CCDC170: variants seen among roughly 807,000 people sequenced by gnomAD.
CCDC170 encodes coiled-coil domain-containing protein 170.
CCDC170 carries 69 observed loss-of-function variants against 72.6 expected under a neutral mutation model. The observed-to-expected ratio is 0.95, with a 90% CI of 0.78 to 1.16. The LOEUF is 1.16. Among genes scored for constraint, CCDC170 ranks in the 50% most tolerant of loss-of-function variants. The pLI, the probability that CCDC170 is intolerant of heterozygous loss-of-function variation, is 0.00. For synonymous variants in CCDC170, 300 were observed against 303.9 expected, an observed-to-expected ratio of 0.99 and a Z score of 0.13; for missense variants, 852 against 832.5, an observed-to-expected ratio of 1.02 and a Z score of -0.29.
intron 3 of CCDC170, 113 bp downstream of exon 3, chr6:151,538,414 C>T (rs964057726): frequency 1.8e-6 from 2 of 1,105,356 alleles, no homozygotes; most frequent in Non-Finnish European, 2.6e-6. Context: ...CCCTTAAACT[C>T]AATTTGAAAA....
At chr6:151,577,003 C>T (rs549258040) in intron 6 of CCDC170, among the ~76,000 whole-genome samples, 5 of 152,250 alleles carry the variant, frequency 3.3e-5, no homozygotes, top group Admixed American at 2.6e-4. Context: ...CCTGTGTTTG[C>T]AATTCTCAGT....
Position 151,538,220 on chromosome 6 carries a change from G to C in CCDC170, c.362G>C (p.Arg121Thr). ...GCAGCACTTTCCACTTCTAAAATCA[G>C]AACAGAAATCACAGCTCACGCTGCA... The part of the protein sequence containing the change: ...ESAALSTSKI[R>T]TEITAHAAIK... Residue 121 changes from arginine to threonine, a missense_variant, in exon 3 of 11, where the codon AGA becomes ACA. Transcript: ENST00000239374. The C allele has an allele frequency of 6.2e-7, 1 of 1,613,742 alleles. No homozygotes were observed. The highest frequency in any genetic ancestry group is 8.5e-7 in the Non-Finnish European group (1 of 1,179,834).
At chr6:151,523,448 G>A (rs2001574) in intron 1 of CCDC170, among the ~76,000 whole-genome samples, 13,339 of 152,058 alleles carry the variant, frequency 0.088, 771 homozygotes, top group African/African-American at 0.16. Context: ...GCATTTGGGA[G>A]GCTGAGGTGG....
intron 6 of CCDC170, 59 bp from the exon 7 acceptor site, chr6:151,585,830 G>A (rs908569990): frequency 2.0e-6 from 3 of 1,521,450 alleles, no homozygotes; most frequent in Non-Finnish European, 2.7e-6. Context: ...AGCAGTAGAT[G>A]TGAACACTTC....
rs556543582 is a variant in CCDC170, at chr6:151,548,334, G to A, written c.619G>A (p.Val207Met). Reference sequence around the variant, plus strand: ...AGACCTGCGCAAAGAAAATGAATTCGTGAAAGGACAAATTGTTATTCTTGA... The same window carrying A: ...AGACCTGCGCAAAGAAAATGAATTCATGAAAGGACAAATTGTTATTCTTGA... ...LRDLRKENEF[V>M]KGQIVILEET... Residue 207 changes from valine to methionine, a missense_variant, in exon 5 of 11, where the codon GTG (valine) becomes ATG (methionine). Physicochemically the swap from Val to Met is conservative, Grantham distance 21 (BLOSUM62 1). Transcript: ENST00000239374. The A allele has an allele frequency of 1.1e-5, 18 of 1,594,466 alleles. No homozygotes were observed. The highest frequency in any genetic ancestry group is 3.4e-5 in the South Asian group (3 of 88,220).
At chr6:151,536,793 AAAAAAG>A (rs1562274877) in intron 2 of CCDC170, among the ~76,000 whole-genome samples, 11 of 138,480 alleles carry the variant, frequency 7.9e-5, no homozygotes, top group African/African-American at 2.3e-4. Flanking sequence ...AAAAAAAAAA[AAAAAAG>A]AAAAAGAAAA....
Position 151,548,339 on chromosome 6 carries a change from A to G in CCDC170, c.624A>G (p.Lys208=), listed in dbSNP as rs749201054. The G allele has an allele frequency of 8.8e-6, 14 of 1,596,974 alleles. No homozygotes were observed. The South Asian group carries it at 1.6e-4, about 18-fold the overall frequency. Residue 208 remains lysine (K), a synonymous_variant, in exon 5 of 11, where the codon AAA becomes AAG. Transcript: ENST00000239374. The part of the protein sequence containing the change: ...RDLRKENEFV[K]GQIVILEETI... Reference sequence around the variant, plus strand: ...TGCGCAAAGAAAATGAATTCGTGAAAGGACAAATTGTTATTCTTGAAGAGA... The same window carrying G: ...TGCGCAAAGAAAATGAATTCGTGAAGGGACAAATTGTTATTCTTGAAGAGA...
chr6:151,518,684 A>G (rs1192017796), intron 1 of CCDC170, among the ~76,000 whole-genome samples: 2 of 152,116 alleles, frequency 1.3e-5, no homozygotes, highest in Non-Finnish European at 2.9e-5. Flanking sequence ...GGTTCTTTCT[A>G]TTTTCCCTAA....
Position 151,620,976 on chromosome 6 carries a change from C to G in CCDC170, c.*2829C>G, listed in dbSNP as rs186231515. ...ATTTCCACTGTGTGACTCTAGTGAT[C>G]TTTAACATACACAGAATGATCTACA... On this transcript the variant is annotated 3_prime_UTR_variant, in exon 11 of 11. Coordinates refer to ENST00000239374, the MANE Select transcript of CCDC170 (RefSeq NM_025059.4). 16 of 152,166 alleles carry G rather than the reference C, an allele frequency of 1.1e-4. No individual in the cohort carries two copies. Among genetic ancestry groups the G allele is most frequent in the Non-Finnish European group, 2.4e-4 (16 of 68,016 alleles). 9.4% of individuals were successfully genotyped at this position (152,166 alleles called of 1,614,324 possible). A position where few individuals can be genotyped will look rare whatever the true frequency, so the allele number is the denominator to read the frequency against.
intron 6 of CCDC170, among the ~76,000 whole-genome samples, chr6:151,578,999 T>G (rs140392111): frequency 5.7e-4 from 87 of 152,162 alleles, no homozygotes; most frequent in African/African-American, 2.0e-3. Flanking sequence ...CTAAAAACCA[T>G]GCAGCTTATT....
chr6:151,546,894 C>T (rs1782780031), intron 4 of CCDC170, among the ~76,000 whole-genome samples: 1 of 151,956 alleles, frequency 6.6e-6, no homozygotes, highest in African/African-American at 2.4e-5. Context: ...GATTTGTTGG[C>T]CTCAGCTTAC....
intron 10 of CCDC170, among the ~76,000 whole-genome samples, chr6:151,617,632 G>C (rs1011318844): frequency 2.6e-5 from 4 of 151,928 alleles, no homozygotes; most frequent in African/African-American, 9.7e-5. Flanking sequence ...TCCCAACCTG[G>C]AGATGAGAAA....
chr6:151,567,685 G>A (rs545938826), intron 5 of CCDC170, among the ~76,000 whole-genome samples: 2 of 152,316 alleles, frequency 1.3e-5, no homozygotes, highest in Admixed American at 6.5e-5. Flanking sequence ...TTAGATTATA[G>A]TTGGCAAACC....
intron 9 of CCDC170, among the ~76,000 whole-genome samples, chr6:151,604,128 C>T (rs907241001): frequency 6.6e-6 from 1 of 152,158 alleles, no homozygotes; most frequent in Non-Finnish European, 1.5e-5. Flanking sequence ...AAGGGATTAA[C>T]ATTCTTCAGC....
At chr6:151,601,555 A>T (rs529474704) in intron 9 of CCDC170, among the ~76,000 whole-genome samples, 3 of 152,214 alleles carry the variant, frequency 2.0e-5, no homozygotes, top group Admixed American at 6.5e-5. Flanking sequence ...GTGTGTGTAT[A>T]CAGACAGATA....
At chr6:151,569,461 T>TA (rs1171641705) in intron 5 of CCDC170, among the ~76,000 whole-genome samples, 1 of 152,224 alleles carries the variant, frequency 6.6e-6, no homozygotes, top group Admixed American at 6.5e-5. Context: ...TTATTAATTA[T>TA]AAAAAAATTT....
At position 151,572,649 on chromosome 6, in the gene CCDC170, GT is replaced by G. The variant is rs1213267537; in HGVS notation, c.775-505del. Among the ~76,000 whole-genome samples, 94 of 37,982 alleles carry G rather than the reference GT, an allele frequency of 2.5e-3. 1 individual carries two copies. Among genetic ancestry groups the G allele is most frequent in the Middle Eastern group, 0.024 (1 of 42 alleles). 24.9% of individuals were successfully genotyped at this position (37,982 alleles called of 152,430 possible). On this transcript the variant is annotated intron_variant, in intron 5 of 10. Coordinates refer to ENST00000239374, the MANE Select transcript of CCDC170 (RefSeq NM_025059.4). ...TTTATATTTTATATCCCTTCTCTGTGTTTTTTTTTTTTTTTTTTTTGATGGA... is the reference window on the plus strand; with the variant it reads ...TTTATATTTTATATCCCTTCTCTGTGTTTTTTTTTTTTTTTTTTTGATGGA...
intron 1 of CCDC170, among the ~76,000 whole-genome samples, chr6:151,514,351 G>GGGAGGGAGGGAAGGGAA (rs1562267909): frequency 8.6e-6 from 1 of 116,744 alleles, no homozygotes; most frequent in Non-Finnish European, 1.8e-5. Context: ...GAGGGAGGGA[G>GGGAGGGAGGGAAGGGAA]GGAGGGAGGG....
intron 3 of CCDC170, among the ~76,000 whole-genome samples, chr6:151,542,334 C>G (rs1415976597): frequency 6.6e-6 from 1 of 152,224 alleles, no homozygotes; most frequent in Non-Finnish European, 1.5e-5. Flanking sequence ...AATCCTCCCA[C>G]CTTAGCCTCT....
Sources: gnomAD v4.1 joint callset for allele counts (sites outside exome capture counted in the v4.1 genomes callset) on GRCh38, gnomAD v4.1.1 for gene constraint, MANE v1.5 for transcripts, NCBI Gene and HGNC (gene_info 2026-07-23, HGNC 2026-07-21) for gene names.